Variants in CORIN observed in about 807,000 individuals in gnomAD.
CORIN encodes atrial natriuretic peptide-converting enzyme.
CORIN carries 117 observed loss-of-function variants against 125.3 expected under a neutral mutation model. The observed-to-expected ratio is 0.93, with a 90% confidence interval of 0.80 to 1.09. CORIN has a LOEUF of 1.09. Ranked by LOEUF, CORIN falls within the 50% of genes least tolerant of loss-of-function variation. CORIN has a pLI of 0.00. For synonymous variants in CORIN, 450 were observed against 466.4 expected (o/e 0.96, Z 0.45); for missense variants, 1,253 against 1,306.7 (o/e 0.96, Z 0.63).
intron 5 of CORIN, among the ~76,000 whole-genome samples, chr4:47,713,496 A>G (rs1180165359): frequency 1.3e-5 from 2 of 152,208 alleles, no homozygotes; most frequent in Non-Finnish European, 2.9e-5. Context: ...ACTTTCTGAA[A>G]TGTAGTGTGT....
intron 3 of CORIN, among the ~76,000 whole-genome samples, chr4:47,779,777 A>G (rs1364721454): frequency 6.6e-6 from 1 of 152,122 alleles, no homozygotes; most frequent in African/African-American, 2.4e-5. Context: ...GCTAATGAAA[A>G]CATCTCATGT....
chr4:47,794,781 T>C (rs527326251), intron 2 of CORIN, among the ~76,000 whole-genome samples: 1 of 152,220 alleles, frequency 6.6e-6, no homozygotes, highest in South Asian at 2.1e-4. Context: ...CAGCTGCCAA[T>C]GACACCTTTT....
chr4:47,643,469 ACTATGTTCAAGTGACT>A lies in CORIN; in HGVS notation c.1958-229_1958-214del, dbSNP rs764407101. 3.8e-4 allele frequency among the ~76,000 whole-genome samples: 58 copies of A among 152,224 alleles called. 1 individual carries two copies. The highest frequency in any genetic ancestry group is 3.4e-3 in the Admixed American group (52 of 15,276). ...ATACAAAGAGCATTTAAACAGAATT[ACTATGTTCAAGTGACT>A]CAATGTTCTGGTTCTAACAATCAGA... On this transcript the variant is annotated intron_variant, in intron 14 of 21. Transcript: ENST00000273857.
intron 5 of CORIN, chr4:47,706,604 G>A: frequency 6.2e-7 from 1 of 1,604,658 alleles, no homozygotes; most frequent in Non-Finnish European, 8.5e-7. Context: ...GTTCCTAAGG[G>A]TGCAACTTAC....
intron 1 of CORIN, among the ~76,000 whole-genome samples, chr4:47,816,295 C>G (rs1029577011): frequency 6.6e-6 from 1 of 152,180 alleles, no homozygotes; most frequent in African/African-American, 2.4e-5. Context: ...GAATTCCAAA[C>G]TTAACATTCA....
intron 10 of CORIN, among the ~76,000 whole-genome samples, chr4:47,666,755 G>A (rs1724503304): frequency 6.6e-6 from 1 of 152,192 alleles, no homozygotes; most frequent in Non-Finnish European, 1.5e-5. Context: ...CCAGGAAGCA[G>A]CCTGTTACCA....
intron 19 of CORIN, among the ~76,000 whole-genome samples, chr4:47,620,003 G>A (rs1037755059): frequency 3.3e-5 from 5 of 152,242 alleles, no homozygotes; most frequent in Middle Eastern, 6.8e-3. Context: ...GCTCTCAAGC[G>A]AAGGTGCTAG....
intron 5 of CORIN, among the ~76,000 whole-genome samples, chr4:47,722,926 G>A (rs1271817319): frequency 3.3e-5 from 5 of 152,170 alleles, no homozygotes; most frequent in African/African-American, 7.2e-5. Context: ...TGAGCTTTCT[G>A]GTGTTTTTCT....
At chr4:47,817,456 T>TGGTCCATG (rs1283072431) in intron 1 of CORIN, among the ~76,000 whole-genome samples, 3 of 152,186 alleles carry the variant, frequency 2.0e-5, no homozygotes, top group African/African-American at 7.2e-5. Context: ...ATACCAAACA[T>TGGTCCATG]GGTCCATGTA....
chr4:47,695,319 G>T (rs1725940831), intron 5 of CORIN, among the ~76,000 whole-genome samples: 1 of 152,164 alleles, frequency 6.6e-6, no homozygotes, highest in Non-Finnish European at 1.5e-5. Context: ...CCATATGTCT[G>T]CATTTCAGCA....
chr4:47,692,524 C>T (rs2109741192), intron 6 of CORIN, among the ~76,000 whole-genome samples: 1 of 151,600 alleles, frequency 6.6e-6, no homozygotes, highest in East Asian at 1.9e-4. Flanking sequence ...CAGTTAGTGC[C>T]ATTGACTATC....
intron 2 of CORIN, among the ~76,000 whole-genome samples, chr4:47,789,444 T>C (rs1307909643): frequency 6.6e-6 from 1 of 152,242 alleles, no homozygotes; most frequent in African/African-American, 2.4e-5. Context: ...TTCATTGCTC[T>C]TAAGCTTTAT....
intron 5 of CORIN, among the ~76,000 whole-genome samples, chr4:47,694,481 A>C (rs192748023): frequency 7.1e-6 from 1 of 141,102 alleles, no homozygotes; most frequent in African/African-American, 2.5e-5. Flanking sequence ...GTGTTTGTGT[A>C]TGTGTGTGTG....
chr4:47,829,157 CAAAAAAAAAA>C (rs35771383), intron 1 of CORIN, among the ~76,000 whole-genome samples: 9 of 64,286 alleles, frequency 1.4e-4, no homozygotes, highest in South Asian at 8.0e-4. Flanking sequence ...GACTCCGTCT[CAAAAAAAAAA>C]AAAAAAAAAA....
At chr4:47,690,088 T>C (rs1365004330) in intron 6 of CORIN, among the ~76,000 whole-genome samples, 1 of 152,144 alleles carries the variant, frequency 6.6e-6, no homozygotes, top group African/African-American at 2.4e-5. Flanking sequence ...GGGGAGAAAG[T>C]CAGAAAGTCA....
chr4:47,714,893 A>G (rs35753735), intron 5 of CORIN, among the ~76,000 whole-genome samples: 14,974 of 152,274 alleles, frequency 0.098, 866 homozygotes, highest in East Asian at 0.27. Flanking sequence ...CTGTGTGACA[A>G]TGAAAGAACT....
chr4:47,764,873 T>G (rs1352084907), intron 3 of CORIN, among the ~76,000 whole-genome samples: 1 of 152,198 alleles, frequency 6.6e-6, no homozygotes, highest in Non-Finnish European at 1.5e-5. Flanking sequence ...TTACATTATT[T>G]TATTTAGGGG....
intron 19 of CORIN, among the ~76,000 whole-genome samples, chr4:47,605,762 C>T (rs776834359): frequency 6.6e-6 from 1 of 152,098 alleles, no homozygotes; most frequent in Non-Finnish European, 1.5e-5. Context: ...GCCTGGGAGT[C>T]TGTATTTTTA....
intron 3 of CORIN, among the ~76,000 whole-genome samples, chr4:47,778,182 T>C (rs1053653560): frequency 7.2e-5 from 11 of 152,220 alleles, no homozygotes; most frequent in African/African-American, 2.7e-4. Context: ...ATTGTGATAA[T>C]GAAGCTGGAG....
Sources: gnomAD v4.1 joint callset for allele counts (sites outside exome capture counted in the v4.1 genomes callset) on GRCh38, gnomAD v4.1.1 for gene constraint, MANE v1.5 for transcripts, NCBI Gene and HGNC (gene_info 2026-07-23, HGNC 2026-07-21) for gene names.